IQSEC1: variants seen among roughly 807,000 people sequenced by gnomAD.
IQSEC1 encodes IQ motif and SEC7 domain-containing protein 1.
Under a neutral mutation model 91.0 loss-of-function variants are expected in IQSEC1, and 31 were observed. The ratio of observed to expected loss-of-function variants is 0.34; its 90% CI spans 0.26 to 0.46. IQSEC1 has a LOEUF of 0.46. Ranked by LOEUF, IQSEC1 falls within the 20% of genes least tolerant of loss-of-function variation. The pLI, the probability that IQSEC1 is intolerant of heterozygous loss-of-function variation, is 1.00. For synonymous variants in IQSEC1, 699 were observed against 662.6 expected, an observed-to-expected ratio of 1.05 and a Z score of -0.84; for missense variants, 1,388 against 1,575.6, an observed-to-expected ratio of 0.88 and a Z score of 2.02.
At chr3:13,195,909 T>A (rs1294306594) in intron 1 of IQSEC1, among the ~76,000 whole-genome samples, 1 of 152,228 alleles carries the variant, frequency 6.6e-6, no homozygotes, top group Non-Finnish European at 1.5e-5. Flanking sequence ...TGTGGTTTTG[T>A]AAAATGTTAC....
rs191823482 is a variant in IQSEC1, at chr3:13,197,430, G to A, written c.273-33297C>T. 1.3e-3 allele frequency among the ~76,000 whole-genome samples: 199 copies of A among 152,234 alleles called. 1 individual carries two copies. The highest frequency in any genetic ancestry group is 2.7e-3 in the South Asian group (13 of 4,818). Reference sequence around the variant, plus strand: ...TGGCAGACAGGACGTGCTGGTGCCCGGCCCCATCCTGAAGTGTCCCAGCAG... The same window carrying A: ...TGGCAGACAGGACGTGCTGGTGCCCAGCCCCATCCTGAAGTGTCCCAGCAG... On this transcript the variant is annotated intron_variant, in intron 1 of 15. Coordinates refer to the IQSEC1 transcript ENST00000648114.
intron 2 of IQSEC1, among the ~76,000 whole-genome samples, chr3:13,133,556 C>T (rs370864581): frequency 1.3e-5 from 2 of 152,330 alleles, no homozygotes; most frequent in South Asian, 2.1e-4. Context: ...TTGCCAGGCC[C>T]GGCTCTGCCC....
chr3:13,089,108 G>A (rs1368065606), intron 2 of IQSEC1, among the ~76,000 whole-genome samples: 1 of 152,236 alleles, frequency 6.6e-6, no homozygotes, highest in Non-Finnish European at 1.5e-5. Flanking sequence ...TATTGGCCAG[G>A]AGGCCCCCTT....
chr3:13,139,723 C>G (rs1338470587), intron 2 of IQSEC1, among the ~76,000 whole-genome samples: 1 of 152,134 alleles, frequency 6.6e-6, no homozygotes, highest in Admixed American at 6.5e-5. Flanking sequence ...AAGGACAGAA[C>G]CTTAAGGCAA....
At chr3:13,122,905 G>T (rs188996825) in intron 2 of IQSEC1, among the ~76,000 whole-genome samples, 9 of 152,292 alleles carry the variant, frequency 5.9e-5, no homozygotes, top group Non-Finnish European at 1.2e-4. Context: ...AATGGAGGAA[G>T]AGCCTTGGTC....
intron 1 of IQSEC1, among the ~76,000 whole-genome samples, chr3:13,219,444 G>T (rs1009407806): frequency 1.4e-4 from 22 of 152,308 alleles, no homozygotes; most frequent in African/African-American, 5.3e-4. Context: ...CTGGGGCCCT[G>T]GTGGCCCCAA....
chr3:12,966,800 C>T (rs1464204483), intron 1 of IQSEC1, among the ~76,000 whole-genome samples: 4 of 152,190 alleles, frequency 2.6e-5, no homozygotes, highest in Non-Finnish European at 2.9e-5. Context: ...ACACCTGGGA[C>T]GCCTGTTTGT....
At chr3:13,166,381 G>T (rs1430531122) in intron 1 of IQSEC1, among the ~76,000 whole-genome samples, 2 of 152,212 alleles carry the variant, frequency 1.3e-5, no homozygotes, top group African/African-American at 4.8e-5. Flanking sequence ...AGGGTCTCCA[G>T]TGCTTGTTAT....
At chr3:12,916,101 G>C (rs564231746) in intron 6 of IQSEC1, among the ~76,000 whole-genome samples, 80 of 152,324 alleles carry the variant, frequency 5.3e-4, no homozygotes, top group African/African-American at 1.9e-3. Flanking sequence ...GGGGAGGCTG[G>C]AGTATAGGGA....
At chr3:13,063,427 G>A (rs1368362093) in intron 1 of IQSEC1, among the ~76,000 whole-genome samples, 1 of 152,334 alleles carries the variant, frequency 6.6e-6, no homozygotes, top group East Asian at 1.9e-4. Context: ...TGCCCACTGT[G>A]GTGGCAGGAG....
At chr3:13,099,334 C>T (rs1405002118) in intron 2 of IQSEC1, among the ~76,000 whole-genome samples, 1 of 152,178 alleles carries the variant, frequency 6.6e-6, no homozygotes, top group Non-Finnish European at 1.5e-5. Context: ...TTCGGGTGTG[C>T]AGGATTGCAT....
At position 13,082,761 on chromosome 3, in the gene IQSEC1, G is replaced by A. The variant is rs1026200105; in HGVS notation, c.303-35239C>T. 6.6e-5 allele frequency among the ~76,000 whole-genome samples: 10 copies of A among 152,170 alleles called. No individual in the cohort carries two copies. In the East Asian group the frequency reaches 7.7e-4, roughly 12 times the overall value. On this transcript the variant is annotated intron_variant, in intron 2 of 15. Coordinates refer to the IQSEC1 transcript ENST00000648114. ...CCAGTGCTGGTCACCCTTGGCTCTCGGAGACCTGTGCGGACGCCTCCCCCT... is the reference window on the plus strand; with the variant it reads ...CCAGTGCTGGTCACCCTTGGCTCTCAGAGACCTGTGCGGACGCCTCCCCCT...
At chr3:13,027,504 T>G (rs1265343690) in intron 1 of IQSEC1, among the ~76,000 whole-genome samples, 1 of 152,186 alleles carries the variant, frequency 6.6e-6, no homozygotes, top group Non-Finnish European at 1.5e-5. Flanking sequence ...AGGGAGGAAC[T>G]GTTGCTTGGA....
chr3:13,140,649 G>A (rs1706784871), intron 2 of IQSEC1, among the ~76,000 whole-genome samples: 1 of 152,188 alleles, frequency 6.6e-6, no homozygotes, highest in African/African-American at 2.4e-5. Context: ...CAGAGATGGG[G>A]CAATAAACAA....
chr3:12,907,447 T>C (rs1310869431), intron 12 of IQSEC1, among the ~76,000 whole-genome samples: 2 of 152,284 alleles, frequency 1.3e-5, no homozygotes, highest in Admixed American at 6.5e-5. Flanking sequence ...GCTGGGCCAC[T>C]GCAGCCCCAG....
At position 13,264,776 on chromosome 3, in the gene IQSEC1, G is replaced by A. The variant is rs79783046; in HGVS notation, c.272+17935C>T. Among the ~76,000 whole-genome samples, 811 of 151,792 alleles carry A rather than the reference G, an allele frequency of 5.3e-3. 7 individuals are homozygous for A. Among genetic ancestry groups the A allele is most frequent in the African/African-American group, 0.018 (754 of 41,378 alleles). Reference sequence around the variant, plus strand: ...AACACATACAGTCTCTGCCTCTCTCGGGGGACTGTCACCCAGCCCACCCCT... The same window carrying A: ...AACACATACAGTCTCTGCCTCTCTCAGGGGACTGTCACCCAGCCCACCCCT... On this transcript the variant is annotated intron_variant, in intron 1 of 15. Transcript: ENST00000648114.
intron 2 of IQSEC1, among the ~76,000 whole-genome samples, chr3:13,084,923 A>G (rs1035709557): frequency 4.0e-5 from 6 of 149,656 alleles, no homozygotes; most frequent in African/African-American, 1.5e-4. Flanking sequence ...ATGGGATGCA[A>G]AAGGCCTGAA....
chr3:12,958,110 G>C (rs1399721294), intron 1 of IQSEC1, among the ~76,000 whole-genome samples: 1 of 152,200 alleles, frequency 6.6e-6, no homozygotes, highest in African/African-American at 2.4e-5. Flanking sequence ...TGTGGGGCCA[G>C]CCCACCACCC....
intron 1 of IQSEC1, among the ~76,000 whole-genome samples, chr3:13,165,038 G>A (rs373317909): frequency 2.6e-4 from 39 of 152,294 alleles, no homozygotes; most frequent in African/African-American, 8.4e-4. Context: ...AGCCCCAGGG[G>A]ATGCCTTTCC....
Sources: gnomAD v4.1 joint callset for allele counts (sites outside exome capture counted in the v4.1 genomes callset) on GRCh38, gnomAD v4.1.1 for gene constraint, MANE v1.5 for transcripts, NCBI Gene and HGNC (gene_info 2026-07-23, HGNC 2026-07-21) for gene names.